The following MYH16 variants were observed in gnomAD, a reference collection of about 807,000 sequenced individuals.
MYH16 encodes the protein putative uncharacterized protein MYH16.
At chr7:99,304,942 T>A (rs1792658989) in intron 40 of MYH16, among the ~76,000 whole-genome samples, 186 bp downstream of exon 21, 1 of 152,008 alleles carries the variant, frequency 6.6e-6, no homozygotes, top group Non-Finnish European at 1.5e-5. Context: ...TCCTAATACT[T>A]TAGGAGGCCA....
intron 26 of MYH16, 98 bp downstream of exon 8, chr7:99,285,033 G>A: frequency 2.3e-6 from 1 of 444,172 alleles, no homozygotes; most frequent in South Asian, 1.6e-5. Flanking sequence ...GTTTCCTGAG[G>A]AGCAAGACTG....
intron 22 of MYH16, among the ~76,000 whole-genome samples, chr7:99,280,469 C>G (rs2150820677): frequency 6.6e-6 from 1 of 152,358 alleles, no homozygotes; most frequent in East Asian, 1.9e-4. Context: ...CTGATGCCAT[C>G]TGGCTGGCCC....
chr7:99,284,779 T>A (rs1317230729), intron 25 of MYH16, 66 bp from the exon 8 acceptor site: 1 of 452,130 alleles, frequency 2.2e-6, no homozygotes, highest in Non-Finnish European at 4.5e-6. Flanking sequence ...CCAGGCGACA[T>A]TCCCTCGCCA....
chr7:99,271,069 A>T (rs937863273), exon 19 of MYH16: 5 of 152,630 alleles, frequency 3.3e-5, no homozygotes, highest in African/African-American at 9.7e-5. Flanking sequence ...ATGAGGGTGG[A>T]GTTCAAGAAG....
At chr7:99,298,856 C>T (rs150731131) in intron 36 of MYH16, among the ~76,000 whole-genome samples, 46 of 151,288 alleles carry the variant, frequency 3.0e-4, no homozygotes, top group African/African-American at 9.2e-4. Flanking sequence ...CATGCTGGTG[C>T]GCTGCACCCA....
downstream of MYH16, among the ~76,000 whole-genome samples, chr7:99,310,269 G>A (rs1169591370): frequency 1.3e-5 from 2 of 152,096 alleles, no homozygotes; most frequent in Admixed American, 6.6e-5. Context: ...AGCAGGGTAG[G>A]GTAGGCAGGG....
At chr7:99,285,433 G>C (rs964491011) in exon 27 of MYH16, 2 of 456,646 alleles carry the variant, frequency 4.4e-6, no homozygotes, top group African/African-American at 4.0e-5. Context: ...GGCCATGAGA[G>C]CCAAGGTAAA....
downstream of MYH16, among the ~76,000 whole-genome samples, chr7:99,310,135 G>C (rs1297836398): frequency 1.3e-5 from 2 of 152,204 alleles, no homozygotes; most frequent in Non-Finnish European, 2.9e-5. Flanking sequence ...AGGCAGAGGA[G>C]AGAAGGGAAT....
intron 39 of MYH16, 33 bp downstream of exon 20, chr7:99,303,223 AG>A (rs1180276428): frequency 1.3e-5 from 2 of 152,794 alleles, no homozygotes; most frequent in East Asian, 3.9e-4. Context: ...GCTAGCAGGC[AG>A]GGCCTAGGCG....
chr7:99,281,386 C>A (rs1027669676), intron 23 of MYH16, among the ~76,000 whole-genome samples: 3 of 151,322 alleles, frequency 2.0e-5, no homozygotes, highest in Non-Finnish European at 4.4e-5. Flanking sequence ...GCAAAACTCC[C>A]ATCTCTACAA....
Position 99,295,894 on chromosome 7 carries a change from C to T in MYH16, n.4283-807C>T, listed in dbSNP as rs189309993. 7.8e-5 allele frequency among the ~76,000 whole-genome samples: 11 copies of T among 140,984 alleles called. No individual in the cohort carries two copies. In the East Asian group the frequency reaches 1.9e-3, roughly 25 times the overall value. The allele number at this position is 140,984 out of a possible 152,430, so 92.5% of individuals were successfully genotyped here. A position where few individuals can be genotyped will look rare whatever the true frequency, so the allele number is the denominator to read the frequency against. ...CAGTGGCTCAAGCCTATAATCTCAGCACTTTGGGAGGCTGAGGCAGGCAGA... is the reference window on the plus strand; with the variant it reads ...CAGTGGCTCAAGCCTATAATCTCAGTACTTTGGGAGGCTGAGGCAGGCAGA... On this transcript the variant is annotated intron_variant and non_coding_transcript_variant, in intron 33 of 41. Transcript: ENST00000439784.
chr7:99,242,047 G>C (rs1219886811), intron 1 of MYH16, among the ~76,000 whole-genome samples: 2 of 152,108 alleles, frequency 1.3e-5, no homozygotes, highest in Non-Finnish European at 2.9e-5. Flanking sequence ...TTTTAGTAGA[G>C]ACAGGGTTTC....
At chr7:99,275,338 C>A (rs544642270) in intron 20 of MYH16, among the ~76,000 whole-genome samples, 2 of 152,190 alleles carry the variant, frequency 1.3e-5, no homozygotes, top group Admixed American at 6.5e-5. Flanking sequence ...TGCTACATTA[C>A]CCCAGCCAGT....
At chr7:99,254,903 G>T (rs1791853503) in intron 8 of MYH16, among the ~76,000 whole-genome samples, 1 of 152,196 alleles carries the variant, frequency 6.6e-6, no homozygotes, top group African/African-American at 2.4e-5. Context: ...GGGAGGCAAA[G>T]GCAGGAGGAT....
intron 23 of MYH16, among the ~76,000 whole-genome samples, chr7:99,282,983 C>T (rs1459011787): frequency 6.6e-6 from 1 of 152,194 alleles, no homozygotes; most frequent in East Asian, 1.9e-4. Context: ...CAGAGTTCTT[C>T]ATGGTACCAG....
At chr7:99,289,251 C>T (rs994687277) in intron 29 of MYH16, 36 bp from the exon 11 acceptor site, 4 of 271,462 alleles carry the variant, frequency 1.5e-5, no homozygotes, top group South Asian at 2.8e-5. Flanking sequence ...CTCCCCCACC[C>T]GCAACTTCCC....
At chr7:99,291,617 A>ACCCCCC (rs34446113) in intron 31 of MYH16, among the ~76,000 whole-genome samples, 167 bp downstream of exon 12, 12 of 105,954 alleles carry the variant, frequency 1.1e-4, no homozygotes, top group African/African-American at 2.3e-4. Context: ...ACACAGCAAG[A>ACCCCCC]CCCCCCCCCA....
intron 20 of MYH16, among the ~76,000 whole-genome samples, chr7:99,276,579 G>A (rs975857149): frequency 3.3e-5 from 5 of 152,344 alleles, no homozygotes; most frequent in East Asian, 1.9e-4. Flanking sequence ...TGGGTGCTGC[G>A]GGTGCAGAGC....
At chr7:99,305,525 T>C (rs923741842) in intron 40 of MYH16, 3 of 152,264 alleles carry the variant, frequency 2.0e-5, no homozygotes, top group African/African-American at 7.2e-5. Flanking sequence ...TGTCTGACAA[T>C]CACAGCATGG....
Sources: gnomAD v4.1 joint callset for allele counts (sites outside exome capture counted in the v4.1 genomes callset) on GRCh38, gnomAD v4.1.1 for gene constraint, MANE v1.5 for transcripts, NCBI Gene and HGNC (gene_info 2026-07-23, HGNC 2026-07-21) for gene names.